The following PDZRN3 variants were observed in gnomAD, a reference collection of about 807,000 sequenced individuals.
The protein encoded by PDZRN3 is PDZ domain containing ring finger 3.
A neutral mutation model predicts 85.7 loss-of-function variants in PDZRN3; 38 were observed. The ratio of observed to expected loss-of-function variants is 0.44; its 90% confidence interval spans 0.34 to 0.58. PDZRN3 has a LOEUF of 0.58. Ranked by LOEUF, PDZRN3 falls within the 20% of genes least tolerant of loss-of-function variation. The pLI is 0.01. For missense variants in PDZRN3, 1,629 were observed against 1,506.4 expected, an observed-to-expected ratio of 1.08 and a Z score of -1.35; for synonymous variants, 759 against 638.0, an observed-to-expected ratio of 1.19 and a Z score of -2.86.
At chr3:73,498,108 T>C (rs1009474401) in intron 3 of PDZRN3, among the ~76,000 whole-genome samples, 2 of 152,204 alleles carry the variant, frequency 1.3e-5, no homozygotes, top group Non-Finnish European at 2.9e-5. Context: ...CTCTGTCATG[T>C]AGAGATACAA....
At chr3:73,444,651 CA>C (rs1702713935) in intron 3 of PDZRN3, among the ~76,000 whole-genome samples, 1 of 152,128 alleles carries the variant, frequency 6.6e-6, no homozygotes, top group Admixed American at 6.5e-5. Flanking sequence ...AAGACTAAAC[CA>C]TAAAGGGGGA....
intron 3 of PDZRN3, among the ~76,000 whole-genome samples, chr3:73,540,144 G>C (rs77611179): frequency 6.8e-6 from 1 of 146,450 alleles, no homozygotes; most frequent in African/African-American, 2.5e-5. Context: ...CAAATAACTG[G>C]TGTTAAATAC....
chr3:73,462,958 G>T (rs929445703), intron 3 of PDZRN3, among the ~76,000 whole-genome samples: 7 of 152,158 alleles, frequency 4.6e-5, no homozygotes, highest in Admixed American at 2.0e-4. Flanking sequence ...CTGTGCTCTT[G>T]ACCAGCTAAA....
chr3:73,533,900 C>T (rs1438991531), intron 3 of PDZRN3, among the ~76,000 whole-genome samples: 1 of 152,204 alleles, frequency 6.6e-6, no homozygotes, highest in Non-Finnish European at 1.5e-5. Context: ...CATCTGACTA[C>T]AACTCTGTAG....
intron 3 of PDZRN3, among the ~76,000 whole-genome samples, chr3:73,576,143 C>T (rs746676493): frequency 8.5e-5 from 13 of 152,108 alleles, no homozygotes; most frequent in African/African-American, 2.7e-4. Context: ...CAGTGGCATA[C>T]GGAGCTGCCT....
intron 3 of PDZRN3, among the ~76,000 whole-genome samples, chr3:73,502,196 T>A (rs1270749503): frequency 6.6e-6 from 1 of 152,186 alleles, no homozygotes; most frequent in Non-Finnish European, 1.5e-5. Flanking sequence ...CACATGTGCA[T>A]CTTGATTTGG....
chr3:73,483,078 T>G (rs993997322), intron 3 of PDZRN3, among the ~76,000 whole-genome samples: 1 of 152,136 alleles, frequency 6.6e-6, no homozygotes, highest in African/African-American at 2.4e-5. Flanking sequence ...GATAAAACTT[T>G]CTCCGTACTT....
chr3:73,387,006 TGTTCTCATGGTAGTGAATAA>T (rs1338535045), intron 8 of PDZRN3, among the ~76,000 whole-genome samples: 2 of 152,240 alleles, frequency 1.3e-5, no homozygotes, highest in African/African-American at 4.8e-5. Context: ...TTCCCCATAC[TGTTCTCATGGTAGTGAATAA>T]GTCTCATGAG....
At chr3:73,591,244 T>C (rs1409357938) in intron 3 of PDZRN3, among the ~76,000 whole-genome samples, 1 of 152,190 alleles carries the variant, frequency 6.6e-6, no homozygotes, top group Non-Finnish European at 1.5e-5. Flanking sequence ...TGAGTCATTA[T>C]AAAAACAGAA....
intron 3 of PDZRN3, among the ~76,000 whole-genome samples, chr3:73,442,269 C>T (rs1702653086): frequency 6.6e-6 from 1 of 152,080 alleles, no homozygotes; most frequent in South Asian, 2.1e-4. Flanking sequence ...ACACTCGAGA[C>T]AGAGGGGAAG....
intron 3 of PDZRN3, among the ~76,000 whole-genome samples, chr3:73,500,654 A>T (rs1243871120): frequency 1.3e-5 from 2 of 152,086 alleles, no homozygotes; most frequent in Non-Finnish European, 2.9e-5. Context: ...TCATCTTTTT[A>T]TGTTGGCATC....
intron 4 of PDZRN3, among the ~76,000 whole-genome samples, chr3:73,403,197 C>T (rs1701789021): frequency 1.3e-5 from 2 of 152,306 alleles, no homozygotes; most frequent in South Asian, 2.1e-4. Flanking sequence ...CCACCTGCCT[C>T]GGCCTCCCGA....
chr3:73,460,918 T>C (rs890552120), intron 3 of PDZRN3, among the ~76,000 whole-genome samples: 1 of 152,020 alleles, frequency 6.6e-6, no homozygotes, highest in African/African-American at 2.4e-5. Context: ...CTCAGCCTCC[T>C]GAGTAGCTGG....
At chr3:73,576,191 C>A (rs934762247) in intron 3 of PDZRN3, among the ~76,000 whole-genome samples, 4 of 152,026 alleles carry the variant, frequency 2.6e-5, no homozygotes, top group Admixed American at 1.3e-4. Context: ...CTCCACTACC[C>A]CAAACTGAGG....
chr3:73,434,972 G>A (rs1379119728), intron 3 of PDZRN3, among the ~76,000 whole-genome samples: 3 of 152,126 alleles, frequency 2.0e-5, no homozygotes, highest in Admixed American at 6.5e-5. Context: ...TTTTCTCAAC[G>A]AAAATGGTCG....
intron 8 of PDZRN3, among the ~76,000 whole-genome samples, chr3:73,387,649 T>G (rs182014935): frequency 6.6e-6 from 1 of 152,224 alleles, no homozygotes; most frequent in Non-Finnish European, 1.5e-5. Flanking sequence ...CTGGAACATA[T>G]GTCAGGCCTT....
chr3:73,434,924 T>C (rs991885862), intron 3 of PDZRN3, among the ~76,000 whole-genome samples: 2 of 152,248 alleles, frequency 1.3e-5, no homozygotes, highest in African/African-American at 4.8e-5. Context: ...TTTAAATAAA[T>C]GATTGCCCCA....
intron 3 of PDZRN3, among the ~76,000 whole-genome samples, chr3:73,444,105 T>G (rs757752345): frequency 2.0e-5 from 3 of 152,178 alleles, no homozygotes; most frequent in Non-Finnish European, 2.9e-5. Context: ...ACCCCATGCT[T>G]GGGTCTGCTT....
intron 3 of PDZRN3, among the ~76,000 whole-genome samples, chr3:73,452,166 A>G (rs896684619): frequency 5.9e-5 from 9 of 152,186 alleles, no homozygotes; most frequent in Non-Finnish European, 1.3e-4. Flanking sequence ...TCCTGGCTAC[A>G]GACTGACTCC....
Sources: allele counts gnomAD v4.1 joint callset (sites outside exome capture counted in the v4.1 genomes callset), GRCh38; gene constraint gnomAD v4.1.1; transcripts MANE v1.5; gene names NCBI Gene and HGNC (gene_info 2026-07-23, HGNC 2026-07-21).